Variants in EPHB1 observed in about 807,000 individuals in gnomAD.
The protein encoded by EPHB1 is ephrin type-B receptor 1.
Under a neutral mutation model 94.4 loss-of-function variants are expected in EPHB1, and 30 were observed. The ratio of observed to expected loss-of-function variants is 0.32; its 90% confidence interval spans 0.24 to 0.43. The LOEUF (loss-of-function observed/expected upper bound fraction) is 0.43. Ranked by LOEUF, EPHB1 falls within the 20% of genes least tolerant of loss-of-function variation. The pLI is 1.00. For missense variants in EPHB1, 1,055 were observed against 1,308.3 expected (o/e 0.81, Z 2.99); for synonymous variants, 522 against 489.1 (o/e 1.07, Z -0.89).
intron 1 of EPHB1, among the ~76,000 whole-genome samples, chr3:134,835,308 C>A (rs1188177360): frequency 2.0e-5 from 3 of 152,314 alleles, no homozygotes; most frequent in African/African-American, 7.2e-5. Flanking sequence ...ACACTGGAGA[C>A]CCCTTGCCTG....
At chr3:135,133,436 G>T (rs537372252) in intron 5 of EPHB1, among the ~76,000 whole-genome samples, 4 of 152,224 alleles carry the variant, frequency 2.6e-5, no homozygotes, top group Non-Finnish European at 5.9e-5. Context: ...TGGACAGAGG[G>T]CTAGGTAGGT....
chr3:135,129,953 G>A (rs1213083255), intron 4 of EPHB1, among the ~76,000 whole-genome samples: 2 of 152,166 alleles, frequency 1.3e-5, no homozygotes, highest in African/African-American at 4.8e-5. Context: ...TGCCAGGGAT[G>A]AGATCAAGAA....
At chr3:134,929,148 G>A (rs2038855586) in intron 2 of EPHB1, among the ~76,000 whole-genome samples, 1 of 152,108 alleles carries the variant, frequency 6.6e-6, no homozygotes, top group African/African-American at 2.4e-5. Context: ...CTTTCCCGGG[G>A]AAATGGCTCC....
intron 1 of EPHB1, among the ~76,000 whole-genome samples, chr3:134,922,174 A>C (rs61372379): frequency 0.26 from 39,592 of 152,122 alleles, 7,338 homozygotes; most frequent in African/African-American, 0.5. Flanking sequence ...AAGTGATGGT[A>C]AATATTTAAT....
chr3:135,219,922 C>G (rs759015225), intron 12 of EPHB1, among the ~76,000 whole-genome samples: 2 of 152,166 alleles, frequency 1.3e-5, no homozygotes, highest in African/African-American at 2.4e-5. Context: ...GAGCAGAATT[C>G]CCTCACAAAG....
chr3:135,106,375 T>C (rs1939219468), intron 3 of EPHB1, 73 bp from the exon 4 acceptor site: 1 of 1,562,114 alleles, frequency 6.4e-7, no homozygotes, highest in Admixed American at 1.7e-5. Flanking sequence ...AAGACACTCC[T>C]TTTCCGGTTG....
At chr3:134,929,555 G>T (rs1002928609) in intron 2 of EPHB1, among the ~76,000 whole-genome samples, 1 of 152,178 alleles carries the variant, frequency 6.6e-6, no homozygotes, top group Non-Finnish European at 1.5e-5. Context: ...GACTGAAGGG[G>T]CCAGGGGCTG....
rs1933022713 is a variant in EPHB1 at position 134,951,365 on chromosome 3, G to A, written c.124-6G>A. 1.9e-6 allele frequency: 3 copies of A among 1,555,194 alleles called. No individual in the cohort carries two copies. The African/African-American group carries it at 4.1e-5, about 21-fold the overall frequency. On this transcript the variant is annotated splice_polypyrimidine_tract_variant and splice_region_variant and intron_variant, in intron 2 of 15. Transcript: ENST00000398015. This position sits in a 1 kb window ranked among gnomAD's most constrained non-coding sequence, Gnocchi z 4.5. ...CATGTGTGTGCCTGTGGCCTGCTAT[G>A]TACAGTGGGAAGAAGTCAGTGGCTA...
intron 3 of EPHB1, among the ~76,000 whole-genome samples, chr3:134,971,916 C>A (rs924440608): frequency 3.3e-5 from 5 of 152,132 alleles, no homozygotes; most frequent in African/African-American, 1.2e-4. Flanking sequence ...GGAGGAGCTG[C>A]TGATTTTTAG....
intron 5 of EPHB1, among the ~76,000 whole-genome samples, chr3:135,145,979 G>A (rs1379868229): frequency 6.6e-6 from 1 of 152,222 alleles, no homozygotes; most frequent in Non-Finnish European, 1.5e-5. Flanking sequence ...CATTTATTAT[G>A]TGCTAGCACA....
chr3:134,824,463 T>C (rs1206756190), intron 1 of EPHB1, among the ~76,000 whole-genome samples: 1 of 152,150 alleles, frequency 6.6e-6, no homozygotes, highest in Non-Finnish European at 1.5e-5. Flanking sequence ...TTGGAATCCT[T>C]CTCATCACAT....
rs187464237 is a variant in EPHB1, at chr3:134,984,817, C to T, written c.805+32765C>T. ...GGGGGAAAGCCTTGAAGAGGCCTAG[C>T]GAACTGAGTGCGGGGGCTAGGGGCG... On this transcript the variant is annotated intron_variant, in intron 3 of 15. Transcript: ENST00000398015. 1.6e-4 allele frequency among the ~76,000 whole-genome samples: 24 copies of T among 152,042 alleles called. No individual in the cohort carries two copies. The East Asian group carries it at 2.5e-3, about 16-fold the overall frequency.
At chr3:134,947,192 G>A (rs2039231413) in intron 2 of EPHB1, among the ~76,000 whole-genome samples, 1 of 152,040 alleles carries the variant, frequency 6.6e-6, no homozygotes, top group Non-Finnish European at 1.5e-5. Flanking sequence ...ATTGATGAAT[G>A]AATGAGGTAT....
intron 3 of EPHB1, among the ~76,000 whole-genome samples, chr3:135,077,677 C>G (rs1937989617): frequency 6.6e-6 from 1 of 152,090 alleles, no homozygotes; most frequent in Non-Finnish European, 1.5e-5. Context: ...ACATAAAGAC[C>G]CTGAGATGCA....
rs560454089 is a variant in EPHB1, at chr3:134,961,087, A to G, written c.805+9035A>G. 8.5e-5 allele frequency among the ~76,000 whole-genome samples: 13 copies of G among 152,268 alleles called. No homozygotes were observed. The East Asian group carries it at 2.5e-3, about 29-fold the overall frequency. The stretch of plus-strand genomic sequence containing the variant: ...TAGGTCATGCGGGTTGGATGGTCCC[A>G]TGTCTTTTCTTTCTTCAGCTACTTA... On this transcript the variant is annotated intron_variant, in intron 3 of 15. Coordinates refer to ENST00000398015, the MANE Select transcript of EPHB1 (RefSeq NM_004441.5).
chr3:134,938,709 T>C (rs2039059105), intron 2 of EPHB1, among the ~76,000 whole-genome samples: 2 of 152,222 alleles, frequency 1.3e-5, no homozygotes, highest in Non-Finnish European at 1.5e-5. Flanking sequence ...CTATTCATGA[T>C]AACTGGCTCA....
At chr3:135,248,558 A>C in intron 14 of EPHB1, 49 bp downstream of exon 14, 1 of 1,503,216 alleles carries the variant, frequency 6.7e-7, no homozygotes, top group Non-Finnish European at 9.0e-7. Flanking sequence ...TTTCATGGTC[A>C]GGGGCATAGC....
At chr3:135,019,493 G>T (rs921941766) in intron 3 of EPHB1, among the ~76,000 whole-genome samples, 2 of 152,092 alleles carry the variant, frequency 1.3e-5, no homozygotes, top group Admixed American at 6.5e-5. Context: ...TCTAATCACA[G>T]AAATAAAATA....
chr3:135,122,610 C>T (rs11706256), intron 4 of EPHB1, among the ~76,000 whole-genome samples: 66,010 of 151,886 alleles, frequency 0.43, 16,321 homozygotes, highest in East Asian at 0.75. Context: ...CCTCAGCCAT[C>T]CTCTAAGGGC....
Sources: allele counts gnomAD v4.1 joint callset (sites outside exome capture counted in the v4.1 genomes callset), GRCh38; gene constraint gnomAD v4.1.1; non-coding constraint Gnocchi (gnomAD v3.1); transcripts MANE v1.5; gene names NCBI Gene and HGNC (gene_info 2026-07-23, HGNC 2026-07-21).